Variants in FGF6 observed in about 807,000 individuals in gnomAD.
FGF6 encodes the protein FGF-6.
A neutral mutation model predicts 18.4 loss-of-function variants in FGF6; 14 were observed. The observed-to-expected ratio is 0.76, with a 90% CI of 0.50 to 1.19. The LOEUF (loss-of-function observed/expected upper bound fraction) is 1.19. Ranked by LOEUF, FGF6 falls within the 50% of genes most tolerant of loss-of-function variation. The probability of loss-of-function intolerance (pLI) is 0.00; values close to 1 mark genes in which losing one functional copy is unlikely to be tolerated. For missense variants in FGF6, 266 were observed against 271.6 expected (o/e 0.98, Z 0.15); for synonymous variants, 125 against 116.7 (o/e 1.07, Z -0.46).
At chr12:4,435,798 C>G (rs939109349) in intron 2 of FGF6, among the ~76,000 whole-genome samples, 2 of 152,176 alleles carry the variant, frequency 1.3e-5, no homozygotes, top group Admixed American at 6.5e-5. Flanking sequence ...TGCACAGATT[C>G]ATTCCCAGTA....
chr12:4,437,690 A>G (rs1865641755), intron 2 of FGF6, among the ~76,000 whole-genome samples: 1 of 152,278 alleles, frequency 6.6e-6, no homozygotes, highest in South Asian at 2.1e-4. Context: ...TGAAATGAAT[A>G]TAAAGTAAAA....
chr12:4,438,673 A>ACCC (rs1865651581), intron 2 of FGF6, among the ~76,000 whole-genome samples: 1 of 141,368 alleles, frequency 7.1e-6, no homozygotes, highest in Non-Finnish European at 1.5e-5. Context: ...AGGCAGGGGA[A>ACCC]TCTCTTGGAC....
chr12:4,443,589 G>T (rs897479870), intron 2 of FGF6, among the ~76,000 whole-genome samples: 52 of 152,336 alleles, frequency 3.4e-4, no homozygotes, highest in African/African-American at 1.2e-3. Context: ...CCAGCCTAAA[G>T]TGTATAACGG....
chr12:4,445,360 C>T lies in FGF6; in HGVS notation c.211G>A (p.Gly71Arg), dbSNP rs758962655. 6.2e-5 allele frequency: 100 copies of T among 1,613,894 alleles called. No individual in the cohort carries two copies. The highest frequency in any genetic ancestry group is 5.0e-5 in the Non-Finnish European group (59 of 1,180,042). Reference sequence around the variant, plus strand: ...AAATAGCCACTTTCCCAGTTCACCCCGGCAATCTCTCCAGCTAGCCCGGCG... The same window carrying T: ...AAATAGCCACTTTCCCAGTTCACCCTGGCAATCTCTCCAGCTAGCCCGGCG... ...SRAGLAGEIA[G>R]VNWESGYLVG... is the part of the protein sequence containing the mutation. The change falls in exon 1 of 3, where the codon GGG becomes AGG. Residue 71 changes from glycine to arginine, a missense_variant. Coordinates refer to ENST00000228837, the MANE Select transcript of FGF6 (RefSeq NM_020996.3). The surrounding 1 kb of genome is among the most constrained non-coding windows in gnomAD (Gnocchi z 5.5).
chr12:4,445,447 T>A lies in FGF6; in HGVS notation c.124A>T (p.Thr42Ser). Residue 42 changes from threonine to serine, a missense_variant, in exon 1 of 3, where the codon ACC (threonine) becomes TCC (serine). Thr to Ser is a moderately conservative substitution (Grantham distance 58). Transcript: ENST00000228837. This position sits in a 1 kb window ranked among gnomAD's most constrained non-coding sequence, Gnocchi z 5.5. ...VGMVVPSPAG[T>S]RANNTLLDSR... ...TCCAGCAGCGTGTTGTTGGCACGGG[T>A]GCCTGCAGGCGAGGGCACCACCATG... 1 of 1,613,332 alleles carries A rather than the reference T, an allele frequency of 6.2e-7. No individual in the cohort carries two copies. Among genetic ancestry groups the A allele is most frequent in the Non-Finnish European group, 8.5e-7 (1 of 1,180,012 alleles).
intron 2 of FGF6, among the ~76,000 whole-genome samples, chr12:4,439,034 C>T (rs1453531659): frequency 4.6e-5 from 7 of 152,186 alleles, no homozygotes; most frequent in African/African-American, 1.7e-4. Flanking sequence ...GTAACTGGGG[C>T]TGCCTCTAGG....
intron 2 of FGF6, among the ~76,000 whole-genome samples, chr12:4,434,806 G>A (rs1179266706): frequency 6.6e-6 from 1 of 152,200 alleles, no homozygotes; most frequent in Non-Finnish European, 1.5e-5. Flanking sequence ...CTGAGAGGGA[G>A]TCTACTGGAG....
chr12:4,441,322 G>A (rs1185535958), intron 2 of FGF6, among the ~76,000 whole-genome samples: 1 of 152,192 alleles, frequency 6.6e-6, no homozygotes, highest in African/African-American at 2.4e-5. Flanking sequence ...ACTGGAACTC[G>A]GGTCGCGGAG....
At chr12:4,443,567 G>A (rs1159161030) in intron 2 of FGF6, among the ~76,000 whole-genome samples, 4 of 152,176 alleles carry the variant, frequency 2.6e-5, no homozygotes, top group African/African-American at 7.2e-5. Context: ...ATGGGAATGG[G>A]TGGGACTGGT....
chr12:4,438,448 A>C (rs1467133493), intron 2 of FGF6, among the ~76,000 whole-genome samples: 1 of 152,204 alleles, frequency 6.6e-6, no homozygotes, highest in African/African-American at 2.4e-5. Context: ...ATTAAATAAC[A>C]AAAGACCAAA....
intron 2 of FGF6, among the ~76,000 whole-genome samples, chr12:4,440,197 A>G (rs1865674814): frequency 2.0e-5 from 3 of 152,238 alleles, no homozygotes; most frequent in African/African-American, 7.2e-5. Flanking sequence ...GCATGAAAAT[A>G]TCTTCAATTT....
At chr12:4,438,373 C>T (rs1328967141) in intron 2 of FGF6, among the ~76,000 whole-genome samples, 1 of 152,170 alleles carries the variant, frequency 6.6e-6, no homozygotes, top group Non-Finnish European at 1.5e-5. Flanking sequence ...AACTGATCAG[C>T]AATTCCACTC....
At chr12:4,434,415 C>G in intron 2 of FGF6, 24 bp from the exon 3 acceptor site, 1 of 1,613,568 alleles carries the variant, frequency 6.2e-7, no homozygotes, top group South Asian at 1.1e-5. Flanking sequence ...GGGCAAACAG[C>G]AGAGACTGGG....
intron 1 of FGF6, 39 bp from the exon 2 acceptor site, chr12:4,444,275 G>T: frequency 7.1e-7 from 1 of 1,399,778 alleles, no homozygotes; most frequent in Non-Finnish European, 1.0e-6. Context: ...TAAGGCTTGT[G>T]CAAATCAGAG....
chr12:4,445,153 G>A lies in FGF6; in HGVS notation c.346+72C>T. On this transcript the variant is annotated intron_variant, in intron 1 of 2. Transcript: ENST00000228837. This position sits in a 1 kb window ranked among gnomAD's most constrained non-coding sequence, Gnocchi z 5.5. Reference sequence around the variant, plus strand: ...TCGTGCATCCTGTCCGCTAGAGCAGGGCCCCTTCACCTTTTAGCCCTGCAT... The same window carrying A: ...TCGTGCATCCTGTCCGCTAGAGCAGAGCCCCTTCACCTTTTAGCCCTGCAT... 1.6e-6 allele frequency: 2 copies of A among 1,276,546 alleles called. No individual in the cohort carries two copies. Among genetic ancestry groups the A allele is most frequent in the South Asian group, 1.4e-5 (1 of 73,868 alleles). The allele number at this position is 1,276,546 out of a possible 1,614,324, so 79.1% of individuals were successfully genotyped here. A position where few individuals can be genotyped will look rare whatever the true frequency, so the allele number is the denominator to read the frequency against.
chr12:4,434,556 A>G (rs17177374), intron 2 of FGF6, among the ~76,000 whole-genome samples, 165 bp from the exon 3 acceptor site: 4,616 of 151,932 alleles, frequency 0.03, 218 homozygotes, highest in African/African-American at 0.1. Context: ...GAATGGTGAA[A>G]GGTTAGGATG....
chr12:4,436,331 G>A (rs984825632), intron 2 of FGF6, among the ~76,000 whole-genome samples: 13 of 152,016 alleles, frequency 8.6e-5, no homozygotes, highest in South Asian at 2.1e-4. Context: ...GTTTAATAGC[G>A]ACAACATGGC....
chr12:4,436,166 G>C (rs1865625909), intron 2 of FGF6, among the ~76,000 whole-genome samples: 1 of 152,168 alleles, frequency 6.6e-6, no homozygotes, highest in African/African-American at 2.4e-5. Flanking sequence ...GGGCTGGTTA[G>C]TAGCTTGCTC....
At chr12:4,443,481 C>T (rs1253683056) in intron 2 of FGF6, among the ~76,000 whole-genome samples, 4 of 152,076 alleles carry the variant, frequency 2.6e-5, no homozygotes, top group Admixed American at 6.5e-5. Flanking sequence ...AGGTTTTCGT[C>T]AATGTGCTTA....
Sources: allele counts gnomAD v4.1 joint callset (sites outside exome capture counted in the v4.1 genomes callset), GRCh38; gene constraint gnomAD v4.1.1; non-coding constraint Gnocchi (gnomAD v3.1); transcripts MANE v1.5; gene names NCBI Gene and HGNC (gene_info 2026-07-23, HGNC 2026-07-21).